Variants in PTPRD observed in about 807,000 individuals in gnomAD.
The protein encoded by PTPRD is receptor-type tyrosine-protein phosphatase delta.
PTPRD carries 34 observed loss-of-function variants against 214.5 expected under a neutral mutation model. The observed-to-expected ratio is 0.16, with a 90% CI of 0.12 to 0.21. The LOEUF (loss-of-function observed/expected upper bound fraction) is 0.21, where lower values mean the gene tolerates loss of function less well. Ranked by LOEUF, PTPRD falls within the 10% of genes least tolerant of loss-of-function variation. PTPRD has a pLI of 1.00. For synonymous variants in PTPRD, 1,128 were observed against 845.7 expected (o/e 1.33, Z -5.79); for missense variants, 2,545 against 2,398.7 (o/e 1.06, Z -1.27).
At chr9:8,795,514 A>G (rs946843116) in intron 11 of PTPRD, among the ~76,000 whole-genome samples, 1 of 152,204 alleles carries the variant, frequency 6.6e-6, no homozygotes, top group Admixed American at 6.5e-5. Flanking sequence ...AAAAGAAAGT[A>G]TGATGGAGAA....
intron 10 of PTPRD, among the ~76,000 whole-genome samples, chr9:9,119,441 A>G (rs1391951345): frequency 6.6e-6 from 1 of 152,218 alleles, no homozygotes; most frequent in African/African-American, 2.4e-5. Context: ...AAAGAGATTC[A>G]TATTGAAATC....
intron 2 of PTPRD, among the ~76,000 whole-genome samples, chr9:10,469,777 GGATA>G (rs556837353): frequency 2.8e-4 from 43 of 152,028 alleles, no homozygotes; most frequent in African/African-American, 9.9e-4. Flanking sequence ...ATGAATGAAT[GGATA>G]AAGAAAATGT....
chr9:9,992,332 G>A (rs1566968572), intron 4 of PTPRD, among the ~76,000 whole-genome samples: 1 of 152,140 alleles, frequency 6.6e-6, no homozygotes, highest in Non-Finnish European at 1.5e-5. Flanking sequence ...GAAAAATAAC[G>A]TATTCTAGCT....
Position 9,255,439 on chromosome 9 carries a change from T to C in PTPRD, c.-202-72076A>G, listed in dbSNP as rs143227822. Among the ~76,000 whole-genome samples, 533 of 152,120 alleles carry C rather than the reference T, an allele frequency of 3.5e-3. 5 individuals are homozygous for C. The highest frequency in any genetic ancestry group is 0.012 in the African/African-American group (513 of 41,532). ...AAAACCTCTTTATATATTTAAAGGA[T>C]TAAGATCTATTTTCAATAAACTAAT... is the stretch of plus-strand genomic sequence containing the variant. On this transcript the variant is annotated intron_variant, in intron 9 of 45. Coordinates refer to ENST00000381196, the MANE Select transcript of PTPRD (RefSeq NM_002839.4).
At chr9:8,387,576 AT>A (rs1183666189) in intron 37 of PTPRD, among the ~76,000 whole-genome samples, 1 of 152,198 alleles carries the variant, frequency 6.6e-6, no homozygotes, top group Non-Finnish European at 1.5e-5. Flanking sequence ...GCATGCCGTA[AT>A]ATAATAGTTC....
At chr9:9,742,505 AG>A (rs2098414500) in intron 6 of PTPRD, among the ~76,000 whole-genome samples, 1 of 152,204 alleles carries the variant, frequency 6.6e-6, no homozygotes, top group South Asian at 2.1e-4. Flanking sequence ...TGATAAAGAA[AG>A]GAAGAAAAGG....
intron 11 of PTPRD, among the ~76,000 whole-genome samples, chr9:8,846,749 G>A (rs1301825966): frequency 6.6e-6 from 1 of 152,146 alleles, no homozygotes; most frequent in Admixed American, 6.6e-5. Context: ...GAGTGGGGAA[G>A]AGAAAATGAA....
intron 9 of PTPRD, among the ~76,000 whole-genome samples, chr9:9,376,047 A>G (rs2060697199): frequency 6.6e-6 from 1 of 152,092 alleles, no homozygotes. Flanking sequence ...TCATAATATA[A>G]AGCGCAAGAA....
At chr9:9,794,725 G>C (rs1372983106) in intron 5 of PTPRD, among the ~76,000 whole-genome samples, 1 of 152,170 alleles carries the variant, frequency 6.6e-6, no homozygotes, top group African/African-American at 2.4e-5. Context: ...CCATGGCTTA[G>C]AGAAGATAAA....
intron 36 of PTPRD, among the ~76,000 whole-genome samples, chr9:8,401,908 A>AT (rs1163649887): frequency 6.6e-6 from 1 of 152,188 alleles, no homozygotes; most frequent in African/African-American, 2.4e-5. Context: ...AAACAAGCAC[A>AT]TTAAGTTTTA....
chr9:9,992,498 C>T (rs910110049), intron 4 of PTPRD, among the ~76,000 whole-genome samples: 6 of 151,792 alleles, frequency 4.0e-5, no homozygotes, highest in Admixed American at 2.0e-4. Flanking sequence ...GACACATGCA[C>T]ATGTATGTTT....
At chr9:10,363,239 G>C (rs566573784) in intron 2 of PTPRD, among the ~76,000 whole-genome samples, 1 of 152,272 alleles carries the variant, frequency 6.6e-6, no homozygotes, top group African/African-American at 2.4e-5. Flanking sequence ...TTTTTAAGAA[G>C]TTCCCAGGTG....
intron 5 of PTPRD, among the ~76,000 whole-genome samples, chr9:9,820,776 T>C (rs1056554123): frequency 2.4e-4 from 37 of 152,152 alleles, no homozygotes; most frequent in African/African-American, 8.4e-4. Context: ...AGCTTCATTG[T>C]ATATCAGATG....
At chr9:9,587,103 A>G (rs1280959161) in intron 7 of PTPRD, among the ~76,000 whole-genome samples, 2 of 151,946 alleles carry the variant, frequency 1.3e-5, no homozygotes, top group Non-Finnish European at 2.9e-5. Context: ...TGTTGTAAAG[A>G]GGGGAGACAA....
At chr9:10,407,145 GA>G (rs1437491012) in intron 2 of PTPRD, among the ~76,000 whole-genome samples, 1 of 151,460 alleles carries the variant, frequency 6.6e-6, no homozygotes, top group African/African-American at 2.4e-5. Flanking sequence ...CAGACATGCA[GA>G]TAAGTGGAAA....
chr9:10,055,452 T>G (rs1015774611), intron 3 of PTPRD, among the ~76,000 whole-genome samples: 5 of 152,100 alleles, frequency 3.3e-5, no homozygotes, highest in African/African-American at 1.2e-4. Context: ...ATTTTTAAGC[T>G]CAGTATATAG....
chr9:10,190,738 A>AAAAAAAAAAAAAC (rs1306607863), intron 3 of PTPRD, among the ~76,000 whole-genome samples: 1 of 150,988 alleles, frequency 6.6e-6, no homozygotes, highest in African/African-American at 2.4e-5. Flanking sequence ...AAAAAAAAAA[A>AAAAAAAAAAAAAC]AAAAAGTCAA....
At chr9:8,778,560 G>T (rs2095572961) in intron 11 of PTPRD, among the ~76,000 whole-genome samples, 2 of 152,106 alleles carry the variant, frequency 1.3e-5, no homozygotes. Context: ...CTTGCGCTGG[G>T]TCCTGGGCCG....
chr9:10,183,295 A>G (rs1214459927), intron 3 of PTPRD, among the ~76,000 whole-genome samples: 1 of 152,152 alleles, frequency 6.6e-6, no homozygotes, highest in Non-Finnish European at 1.5e-5. Flanking sequence ...GGCAGGAGAA[A>G]AGAAGACAAT....
Sources: gnomAD v4.1 joint callset for allele counts (sites outside exome capture counted in the v4.1 genomes callset) on GRCh38, gnomAD v4.1.1 for gene constraint, MANE v1.5 for transcripts, NCBI Gene and HGNC (gene_info 2026-07-23, HGNC 2026-07-21) for gene names.